The following PCDH11Y variants were observed in gnomAD, a reference collection of about 807,000 sequenced individuals.
PCDH11Y encodes the protein protocadherin 11 Y-linked.
For synonymous variants in PCDH11Y, 9 were observed against 83.6 expected (o/e 0.11, Z 4.87); for missense variants, 12 against 224.8 (o/e 0.05, Z 6.05).
intron 2 of PCDH11Y, among the ~76,000 whole-genome samples, chrY:5,143,151 A>G: frequency 3.0e-5 from 1 of 33,064 alleles, no homozygotes; most frequent in South Asian, 6.7e-4. Context: ...GAAGAGAAAG[A>G]AATAACCATT....
chrY:5,025,577 T>G, intron 1 of PCDH11Y, among the ~76,000 whole-genome samples: 1 of 33,694 alleles, frequency 3.0e-5, no homozygotes, highest in Admixed American at 2.7e-4. Context: ...ATTCTCTCTT[T>G]TTACCAAATA....
At chrY:5,717,288 A>G (rs2053590608) in intron 4 of PCDH11Y, among the ~76,000 whole-genome samples, 1 of 32,827 alleles carries the variant, frequency 3.0e-5, no homozygotes. Context: ...AAAACAATCA[A>G]CAAAGTGAAG....
intron 2 of PCDH11Y, among the ~76,000 whole-genome samples, chrY:5,453,863 C>T (rs1278738032): frequency 3.3e-5 from 1 of 30,406 alleles, no homozygotes; most frequent in Non-Finnish European, 7.9e-5. Flanking sequence ...CCAGGCCCCA[C>T]CTCCAACACT....
chrY:5,396,218 G>T (rs2053226972), intron 2 of PCDH11Y, among the ~76,000 whole-genome samples: 2 of 34,707 alleles, frequency 5.8e-5, no homozygotes, highest in African/African-American at 1.1e-4. Context: ...CTCCCAAAGT[G>T]CTGGGATTAC....
At chrY:5,213,547 T>C (rs9785954) in intron 2 of PCDH11Y, among the ~76,000 whole-genome samples, 6,115 of 32,013 alleles carry the variant, frequency 0.19, no homozygotes, top group African/African-American at 0.61. Flanking sequence ...TCTGCACCTA[T>C]TACCTTATAT....
intron 2 of PCDH11Y, among the ~76,000 whole-genome samples, chrY:5,356,885 CAAAAAAAAAAA>C (rs749591082): frequency 1.8e-4 from 1 of 5,477 alleles, no homozygotes; most frequent in Non-Finnish European, 3.7e-4. Flanking sequence ...AACTCTGTCT[CAAAAAAAAAAA>C]AAAAAAAAGG....
At chrY:5,091,607 A>C in intron 1 of PCDH11Y, among the ~76,000 whole-genome samples, 3 of 33,470 alleles carry the variant, frequency 9.0e-5, no homozygotes, top group Admixed American at 2.7e-4. Flanking sequence ...GTTCCAGCTT[A>C]AAACATTGTG....
At chrY:5,095,546 T>C (rs2052748956) in intron 1 of PCDH11Y, among the ~76,000 whole-genome samples, 1 of 32,758 alleles carries the variant, frequency 3.1e-5, no homozygotes, top group East Asian at 8.0e-4. Context: ...TTTCTACCCA[T>C]AAATAGACAT....
chrY:5,385,920 T>C lies in PCDH11Y; in HGVS notation c.3130-115137T>C, dbSNP rs1602916909. On this transcript the variant is annotated intron_variant, in intron 2 of 4. Transcript: ENST00000400457. ...TTCTGGATATTAGTCCTTTGTTGTA[T>C]GTATAGATTGTGAAGATTTTCTCCC... 1.9e-3 allele frequency among the ~76,000 whole-genome samples: 64 copies of C among 33,370 alleles called. No homozygotes were observed. In the Middle Eastern group the frequency reaches 0.043, roughly 22 times the overall value. The allele number at this position is 33,370 out of a possible 37,273, so 89.5% of individuals were successfully genotyped here.
At chrY:5,151,338 T>TTAATTTAGG in intron 2 of PCDH11Y, among the ~76,000 whole-genome samples, 1 of 32,767 alleles carries the variant, frequency 3.1e-5, no homozygotes, top group East Asian at 8.2e-4. Flanking sequence ...GATCTATTAC[T>TTAATTTAGG]TAATTTAGGT....
chrY:5,177,449 A>G, intron 2 of PCDH11Y, among the ~76,000 whole-genome samples: 2 of 33,674 alleles, frequency 5.9e-5, no homozygotes, highest in East Asian at 8.1e-4. Flanking sequence ...GTAGAAACCT[A>G]AGTGTCCATA....
At chrY:5,188,915 G>T in intron 2 of PCDH11Y, among the ~76,000 whole-genome samples, 1 of 34,115 alleles carries the variant, frequency 2.9e-5, no homozygotes, top group Admixed American at 2.7e-4. Context: ...TGGATTCAGT[G>T]CAAGTCCTAT....
At chrY:5,512,477 C>CAA (rs1271109296) in intron 3 of PCDH11Y, among the ~76,000 whole-genome samples, 31 of 16,986 alleles carry the variant, frequency 1.8e-3, no homozygotes, top group African/African-American at 7.6e-3. Flanking sequence ...GACTCCATGT[C>CAA]AAAAAAAAAA....
intron 4 of PCDH11Y, among the ~76,000 whole-genome samples, chrY:5,630,868 A>G: frequency 3.0e-5 from 1 of 33,040 alleles, no homozygotes; most frequent in Non-Finnish European, 7.5e-5. Context: ...CTAGTGAGAG[A>G]GATCAGTGGC....
chrY:5,011,575 G>C, intron 1 of PCDH11Y, among the ~76,000 whole-genome samples: 1 of 33,691 alleles, frequency 3.0e-5, no homozygotes, highest in Admixed American at 2.7e-4. Flanking sequence ...ACACTTGGTA[G>C]AGATTATTTT....
At chrY:5,465,916 G>T (rs1602929423) in intron 2 of PCDH11Y, among the ~76,000 whole-genome samples, 40 of 34,574 alleles carry the variant, frequency 1.2e-3, no homozygotes, top group Non-Finnish European at 2.1e-3. Context: ...AGCAGCTATC[G>T]AATAATGGAA....
At chrY:5,012,503 G>T in intron 1 of PCDH11Y, among the ~76,000 whole-genome samples, 1 of 30,266 alleles carries the variant, frequency 3.3e-5, no homozygotes, top group Non-Finnish European at 7.9e-5. Context: ...CCACCCCCAT[G>T]ATCCTATCAC....
intron 3 of PCDH11Y, among the ~76,000 whole-genome samples, chrY:5,563,512 GTAAAGA>G (rs2053431439): frequency 3.0e-5 from 1 of 32,910 alleles, no homozygotes; most frequent in East Asian, 7.9e-4. Flanking sequence ...TCATGAAATG[GTAAAGA>G]TAAAGTCAAT....
chrY:5,691,147 A>T, intron 4 of PCDH11Y, among the ~76,000 whole-genome samples: 1 of 33,640 alleles, frequency 3.0e-5, no homozygotes, highest in Non-Finnish European at 7.4e-5. Flanking sequence ...TAAAATTTTC[A>T]AACTGTGTTT....
Sources: allele counts gnomAD v4.1 joint callset (sites outside exome capture counted in the v4.1 genomes callset), GRCh38; gene constraint gnomAD v4.1.1; transcripts MANE v1.5; gene names NCBI Gene and HGNC (gene_info 2026-07-23, HGNC 2026-07-21).